FHIT: variants seen among roughly 807,000 people sequenced by gnomAD.
The protein encoded by FHIT is fragile histidine triad diadenosine triphosphatase, also known as bis(5'-adenosyl)-triphosphatase.
FHIT carries 19 observed loss-of-function variants against 17.9 expected under a neutral mutation model. The ratio of observed to expected loss-of-function variants is 1.06; its 90% confidence interval spans 0.74 to 1.56. The LOEUF is 1.56. Among genes scored for constraint, FHIT ranks in the 40% most tolerant of loss-of-function variants. The pLI is 0.00. For missense variants in FHIT, 248 were observed against 189.2 expected, an observed-to-expected ratio of 1.31 and a Z score of -1.82; for synonymous variants, 81 against 69.7, an observed-to-expected ratio of 1.16 and a Z score of -0.81.
At chr3:59,846,064 C>G (rs1330215508) in intron 8 of FHIT, among the ~76,000 whole-genome samples, 1 of 151,920 alleles carries the variant, frequency 6.6e-6, no homozygotes, top group Non-Finnish European at 1.5e-5. Context: ...ATTGACTAGG[C>G]TGTTTAATCC....
chr3:60,932,563 G>A (rs759132118), intron 3 of FHIT, among the ~76,000 whole-genome samples: 36 of 152,256 alleles, frequency 2.4e-4, no homozygotes, highest in Non-Finnish European at 3.7e-4. Flanking sequence ...CTTTTGACAA[G>A]TGCCCACATT....
At chr3:60,725,652 C>T (rs1002947815) in intron 4 of FHIT, among the ~76,000 whole-genome samples, 39 of 152,060 alleles carry the variant, frequency 2.6e-4, no homozygotes, top group Non-Finnish European at 1.5e-5. Context: ...AAAACTTTTG[C>T]AATTGGTGTT....
chr3:60,533,044 G>A (rs948050628), intron 5 of FHIT, among the ~76,000 whole-genome samples: 2 of 152,010 alleles, frequency 1.3e-5, no homozygotes, highest in Admixed American at 1.3e-4. Context: ...AACACAGATT[G>A]GTCCATTCAC....
chr3:60,657,847 A>C (rs1254831711), intron 4 of FHIT, among the ~76,000 whole-genome samples: 2 of 151,774 alleles, frequency 1.3e-5, no homozygotes, highest in Non-Finnish European at 2.9e-5. Context: ...TACATTTCAT[A>C]ACAATGTATC....
intron 2 of FHIT, among the ~76,000 whole-genome samples, chr3:61,051,270 T>TGTTC (rs1202173824): frequency 6.6e-6 from 1 of 151,974 alleles, no homozygotes; most frequent in African/African-American, 2.4e-5. Flanking sequence ...TTTGTTTGTT[T>TGTTC]GTTTGTTTGT....
At position 60,960,579 on chromosome 3, in the gene FHIT, C is replaced by A. The variant is rs35059096; in HGVS notation, c.-111+81468G>T. On this transcript the variant is annotated intron_variant, in intron 3 of 9. Coordinates refer to ENST00000492590, the MANE Select transcript of FHIT (RefSeq NM_002012.4). ...TAATGCTATCCGTCCCTCCTCCCCCCACCCCACAACAGGCCCCGGTGTGTG... is the reference window on the plus strand; with the variant it reads ...TAATGCTATCCGTCCCTCCTCCCCCAACCCCACAACAGGCCCCGGTGTGTG... Among the ~76,000 whole-genome samples the A allele has an allele frequency of 1.1e-3, 167 of 152,272 alleles. 1 individual carries two copies. Among genetic ancestry groups the A allele is most frequent in the Non-Finnish European group, 1.9e-3 (128 of 68,032 alleles).
intron 7 of FHIT, among the ~76,000 whole-genome samples, chr3:59,979,103 T>G (rs1217246468): frequency 6.6e-6 from 1 of 152,150 alleles, no homozygotes; most frequent in African/African-American, 2.4e-5. Flanking sequence ...CTATTGAACA[T>G]CTGAAGACTG....
intron 3 of FHIT, among the ~76,000 whole-genome samples, chr3:60,914,101 C>T (rs111671859): frequency 4.7e-4 from 71 of 152,264 alleles, no homozygotes; most frequent in Middle Eastern, 3.4e-3. Context: ...AGACAAGCTA[C>T]CACAGAGTAT....
At chr3:60,421,739 CTTG>C (rs1340138679) in intron 5 of FHIT, among the ~76,000 whole-genome samples, 1 of 151,674 alleles carries the variant, frequency 6.6e-6, no homozygotes, top group Non-Finnish European at 1.5e-5. Flanking sequence ...ATTTGCTTTT[CTTG>C]TTAAGAAAAT....
chr3:60,128,937 A>G (rs150728256), intron 5 of FHIT, among the ~76,000 whole-genome samples: 37 of 152,116 alleles, frequency 2.4e-4, no homozygotes, highest in African/African-American at 8.7e-4. Flanking sequence ...GAATTGCTTC[A>G]GTTTGTTTTT....
At chr3:60,452,473 A>G (rs1396290794) in intron 5 of FHIT, among the ~76,000 whole-genome samples, 1 of 152,216 alleles carries the variant, frequency 6.6e-6, no homozygotes, top group Non-Finnish European at 1.5e-5. Flanking sequence ...CATCACCGTT[A>G]TAGTCAAAAG....
chr3:59,952,439 CTT>C (rs3047575), intron 7 of FHIT, among the ~76,000 whole-genome samples: 40,051 of 151,938 alleles, frequency 0.26, 5,513 homozygotes, highest in African/African-American at 0.33. Flanking sequence ...TCCTCCCTCT[CTT>C]GTTACCATTC....
intron 3 of FHIT, among the ~76,000 whole-genome samples, chr3:60,832,045 A>G (rs1702350097): frequency 6.6e-6 from 1 of 152,156 alleles, no homozygotes; most frequent in Admixed American, 6.5e-5. Context: ...GATCAGAGAT[A>G]ATACTAGAGC....
chr3:60,066,749 C>T (rs570223853), intron 5 of FHIT, among the ~76,000 whole-genome samples: 6 of 144,968 alleles, frequency 4.1e-5, no homozygotes, highest in Admixed American at 7.2e-5. Context: ...CTCCGCCTCG[C>T]GGGTTCACGC....
In FHIT at chr3:60,636,659, G is replaced by C. The variant is rs75314599; in HGVS notation, c.-17-99680C>G. 4.4e-3 allele frequency among the ~76,000 whole-genome samples: 675 copies of C among 152,314 alleles called. 4 individuals carry two copies. Among genetic ancestry groups the C allele is most frequent in the African/African-American group, 0.016 (648 of 41,570 alleles). On this transcript the variant is annotated intron_variant, in intron 4 of 9. Coordinates refer to ENST00000492590, the MANE Select transcript of FHIT (RefSeq NM_002012.4). ...AGTAAGCAGGCATCACCAGAAGTGAGAGGAGGAAAATAACCGCTCTCACCT... is the reference window on the plus strand; with the variant it reads ...AGTAAGCAGGCATCACCAGAAGTGACAGGAGGAAAATAACCGCTCTCACCT...
intron 4 of FHIT, among the ~76,000 whole-genome samples, chr3:60,819,349 G>A (rs1553738611): frequency 6.6e-6 from 1 of 152,132 alleles, no homozygotes; most frequent in African/African-American, 2.4e-5. Flanking sequence ...TAGAATGATA[G>A]AACATCAATC....
At chr3:61,181,113 A>C (rs192847853) in intron 2 of FHIT, among the ~76,000 whole-genome samples, 1 of 152,186 alleles carries the variant, frequency 6.6e-6, no homozygotes, top group South Asian at 2.1e-4. Flanking sequence ...GACAAATCAC[A>C]TATTGGGGAC....
intron 3 of FHIT, among the ~76,000 whole-genome samples, chr3:61,040,998 C>A (rs181527889): frequency 6.6e-6 from 1 of 152,282 alleles, no homozygotes; most frequent in African/African-American, 2.4e-5. Context: ...TAGGACATCC[C>A]CTCTCTGCCC....
chr3:59,786,491 C>T (rs1190735913), intron 8 of FHIT, among the ~76,000 whole-genome samples: 2 of 152,216 alleles, frequency 1.3e-5, no homozygotes, highest in Non-Finnish European at 2.9e-5. Flanking sequence ...GAAGCACTCT[C>T]TTGCCAGGGA....
Sources: allele counts gnomAD v4.1 joint callset (sites outside exome capture counted in the v4.1 genomes callset), GRCh38; gene constraint gnomAD v4.1.1; transcripts MANE v1.5; gene names NCBI Gene and HGNC (gene_info 2026-07-23, HGNC 2026-07-21).